The following ODAD2 variants were observed in gnomAD, a reference collection of about 807,000 sequenced individuals.
ODAD2 encodes the protein outer dynein arm-docking complex subunit 2.
Under a neutral mutation model 106.8 loss-of-function variants are expected in ODAD2, and 89 were observed. The observed-to-expected ratio is 0.83, with a 90% CI of 0.70 to 0.99. The LOEUF is 0.99. ODAD2 is among the 50% of genes least tolerant of loss of function. The pLI, the probability that ODAD2 is intolerant of heterozygous loss-of-function variation, is 0.00. For synonymous variants in ODAD2, 404 were observed against 436.2 expected (o/e 0.93, Z 0.92); for missense variants, 1,168 against 1,238.5 (o/e 0.94, Z 0.85).
At chr10:27,874,363 T>C (rs1208611793) in intron 17 of ODAD2, among the ~76,000 whole-genome samples, 1 of 152,170 alleles carries the variant, frequency 6.6e-6, no homozygotes, top group Admixed American at 6.5e-5. Context: ...ACATTTAAGG[T>C]TAATATTGTT....
chr10:27,899,194 G>A (rs895384103), intron 17 of ODAD2, among the ~76,000 whole-genome samples: 3 of 151,768 alleles, frequency 2.0e-5, no homozygotes, highest in Admixed American at 6.6e-5. Context: ...ACCTCACTTG[G>A]GAAGCACAAG....
chr10:27,864,775 T>C (rs1840320894), intron 17 of ODAD2, among the ~76,000 whole-genome samples: 1 of 152,052 alleles, frequency 6.6e-6, no homozygotes, highest in South Asian at 2.1e-4. Flanking sequence ...ATTACTTGGC[T>C]CTATCACTTT....
At chr10:27,976,447 T>C (rs920410323) in intron 7 of ODAD2, among the ~76,000 whole-genome samples, 1 of 152,088 alleles carries the variant, frequency 6.6e-6, no homozygotes, top group African/African-American at 2.4e-5. Context: ...ATCAAGTGTA[T>C]ATTTATACAA....
intron 17 of ODAD2, among the ~76,000 whole-genome samples, chr10:27,892,426 G>A (rs1389497214): frequency 2.0e-5 from 3 of 151,982 alleles, no homozygotes; most frequent in East Asian, 1.9e-4. Context: ...AAATTATTTC[G>A]AGGTTTACAA....
At chr10:27,973,583 G>C (rs1438690068) in intron 7 of ODAD2, among the ~76,000 whole-genome samples, 1 of 152,008 alleles carries the variant, frequency 6.6e-6, no homozygotes, top group East Asian at 1.9e-4. Flanking sequence ...GGAACAGGGG[G>C]TAATATGTTT....
At chr10:27,982,256 A>T (rs2133106818) in intron 6 of ODAD2, among the ~76,000 whole-genome samples, 1 of 152,224 alleles carries the variant, frequency 6.6e-6, no homozygotes, top group African/African-American at 2.4e-5. Flanking sequence ...ATACACAAAA[A>T]CATTTCTATA....
intron 19 of ODAD2, among the ~76,000 whole-genome samples, chr10:27,849,443 C>T (rs910472088): frequency 6.6e-6 from 1 of 151,898 alleles, no homozygotes; most frequent in Non-Finnish European, 1.5e-5. Context: ...GGAGATACAC[C>T]TAATGTAAAT....
intron 10 of ODAD2, among the ~76,000 whole-genome samples, chr10:27,954,322 G>T (rs1847566956): frequency 1.3e-5 from 2 of 152,294 alleles, no homozygotes; most frequent in Non-Finnish European, 2.9e-5. Flanking sequence ...AAAAATAAGT[G>T]TTGTTGCAAA....
intron 12 of ODAD2, among the ~76,000 whole-genome samples, chr10:27,942,939 AAC>A (rs1167372237): frequency 6.6e-6 from 1 of 152,226 alleles, no homozygotes; most frequent in East Asian, 1.9e-4. Flanking sequence ...AAAATTTCTG[AAC>A]ACATTTTTCA....
intron 19 of ODAD2, among the ~76,000 whole-genome samples, chr10:27,852,920 CGTTGCACTCCAGCCTGGGTGA>C (rs2133241007): frequency 7.3e-6 from 1 of 136,518 alleles, no homozygotes; most frequent in African/African-American, 2.7e-5. Flanking sequence ...GAGATCGCGC[CGTTGCACTCCAGCCTGGGTGA>C]CAGAACGAGA....
chr10:27,948,778 G>GCTTTTTTT (rs1847115638), intron 10 of ODAD2, among the ~76,000 whole-genome samples: 2 of 39,238 alleles, frequency 5.1e-5, no homozygotes, highest in Admixed American at 3.3e-4. Flanking sequence ...TTGGCCTTTG[G>GCTTTTTTT]ATTTTTTTTT....
intron 4 of ODAD2, 43 bp downstream of exon 4, chr10:27,984,976 C>A (rs1315538574): frequency 6.7e-7 from 1 of 1,489,022 alleles, no homozygotes; most frequent in African/African-American, 1.4e-5. Flanking sequence ...GTGGTGCAAT[C>A]TTGGCTCAAT....
At chr10:27,879,083 A>G (rs1054847048) in intron 17 of ODAD2, among the ~76,000 whole-genome samples, 10 of 152,150 alleles carry the variant, frequency 6.6e-5, no homozygotes, top group Non-Finnish European at 1.5e-4. Flanking sequence ...CAAGAAAAGC[A>G]AAAAAATAAA....
chr10:27,876,584 C>T (rs908008991), intron 17 of ODAD2, among the ~76,000 whole-genome samples: 2 of 152,208 alleles, frequency 1.3e-5, no homozygotes, highest in Non-Finnish European at 2.9e-5. Context: ...AACTCTAACT[C>T]AACTTTTAAT....
At chr10:27,859,986 T>A (rs1839925039) in intron 19 of ODAD2, among the ~76,000 whole-genome samples, 2 of 152,238 alleles carry the variant, frequency 1.3e-5, no homozygotes, top group South Asian at 4.1e-4. Flanking sequence ...ATTATTTATG[T>A]GTTAAGTAAA....
intron 17 of ODAD2, among the ~76,000 whole-genome samples, chr10:27,899,718 C>A (rs1408287572): frequency 6.6e-6 from 1 of 152,210 alleles, no homozygotes; most frequent in Non-Finnish European, 1.5e-5. Flanking sequence ...CTGGGCGGAG[C>A]CCACCACAGC....
intron 7 of ODAD2, among the ~76,000 whole-genome samples, chr10:27,978,033 T>C (rs923250113): frequency 1.4e-4 from 21 of 152,234 alleles, no homozygotes; most frequent in African/African-American, 5.1e-4. Flanking sequence ...TGAAACTATA[T>C]GATCATACAA....
At chr10:27,999,128 G>T (rs7097367), upstream of ODAD2, 44,747 of 152,302 alleles carry the variant, frequency 0.29, 6,715 homozygotes, top group Middle Eastern at 0.36. Context: ...GGCCCCTCCC[G>T]GGAAACACTT....
chr10:27,935,801 T>C (rs1845930512), intron 15 of ODAD2, among the ~76,000 whole-genome samples: 1 of 150,608 alleles, frequency 6.6e-6, no homozygotes. Flanking sequence ...TATATGTATA[T>C]ATGTATGTGT....
Sources: allele counts gnomAD v4.1 joint callset (sites outside exome capture counted in the v4.1 genomes callset), GRCh38; gene constraint gnomAD v4.1.1; transcripts MANE v1.5; gene names NCBI Gene and HGNC (gene_info 2026-07-23, HGNC 2026-07-21).